CSMD1: variants seen among roughly 807,000 people sequenced by gnomAD.
The protein encoded by CSMD1 is CUB and sushi domain-containing protein 1.
In CSMD1, 213 loss-of-function variants were observed where a neutral mutation model predicts 417.5. That is an observed-to-expected ratio of 0.51 (90% CI 0.46 to 0.57). The LOEUF (loss-of-function observed/expected upper bound fraction) is 0.57. CSMD1 is among the 20% of genes least tolerant of loss of function. CSMD1 has a pLI of 0.00. For missense variants in CSMD1, 6,923 were observed against 4,529.7 expected (o/e 1.53, Z -15.17); for synonymous variants, 2,862 against 1,736.8 (o/e 1.65, Z -16.11).
At chr8:3,300,816 G>A (rs911794462) in intron 25 of CSMD1, among the ~76,000 whole-genome samples, 2 of 151,688 alleles carry the variant, frequency 1.3e-5, no homozygotes, top group African/African-American at 4.9e-5. Context: ...AAAATTAGCT[G>A]GGTGTGGTGG....
Position 3,960,466 on chromosome 8 carries a change from T to G in CSMD1, c.818+37437A>C, listed in dbSNP as rs1200164843. Among the ~76,000 whole-genome samples, 3 of 152,190 alleles carry G rather than the reference T, an allele frequency of 2.0e-5. No individual in the cohort carries two copies. In the East Asian group the frequency reaches 5.8e-4, roughly 29 times the overall value. ...ATACAATTTTCAACACAGGGGCGAA[T>G]ATTATTTATGCCTTTAAAGACTGAT... On this transcript the variant is annotated intron_variant, in intron 5 of 69. Coordinates refer to ENST00000635120, the MANE Select transcript of CSMD1 (RefSeq NM_033225.6).
intron 4 of CSMD1, among the ~76,000 whole-genome samples, chr8:4,004,784 GC>G (rs1815975324): frequency 6.6e-6 from 1 of 151,992 alleles, no homozygotes; most frequent in Admixed American, 6.6e-5. Flanking sequence ...TCACTCTGTT[GC>G]CCAGGCTGGA....
chr8:4,099,310 T>A (rs1053493497), intron 3 of CSMD1, among the ~76,000 whole-genome samples: 1 of 152,148 alleles, frequency 6.6e-6, no homozygotes, highest in Non-Finnish European at 1.5e-5. Context: ...CTGAATTACA[T>A]GAAGGAGCTA....
chr8:2,956,068 G>C (rs987552151), intron 63 of CSMD1, among the ~76,000 whole-genome samples: 4 of 151,856 alleles, frequency 2.6e-5, no homozygotes, highest in African/African-American at 9.7e-5. Context: ...AGGTAATTAT[G>C]TGCAAAGATT....
At chr8:4,430,090 A>G (rs1797786788) in intron 2 of CSMD1, among the ~76,000 whole-genome samples, 1 of 152,236 alleles carries the variant, frequency 6.6e-6, no homozygotes, top group South Asian at 2.1e-4. Context: ...CTTAATGTTT[A>G]AATCCCAGAA....
At chr8:4,803,541 T>G (rs1798425471) in intron 1 of CSMD1, among the ~76,000 whole-genome samples, 1 of 152,190 alleles carries the variant, frequency 6.6e-6, no homozygotes, top group African/African-American at 2.4e-5. Flanking sequence ...CAAATTTGAC[T>G]GTAAATCTCA....
chr8:3,958,540 T>C (rs2627498), intron 5 of CSMD1, among the ~76,000 whole-genome samples: 17,137 of 152,250 alleles, frequency 0.11, 1,039 homozygotes, highest in East Asian at 0.14. Context: ...AGTTCTATTA[T>C]TCATTTACTG....
Position 3,032,229 on chromosome 8 carries a change from A to AT in CSMD1, c.7661-2717dup, listed in dbSNP as rs1358577511. On this transcript the variant is annotated intron_variant, in intron 50 of 69. Transcript: ENST00000635120. ...TGTGCAAATTATCATTTTATTTAAT[A>AT]TTTTTTAAGAATGATAGGTAGAGAA... Among the ~76,000 whole-genome samples, 15 of 151,968 alleles carry AT rather than the reference A, an allele frequency of 9.9e-5. 1 individual carries two copies. Among genetic ancestry groups the AT allele is most frequent in the Non-Finnish European group, 2.2e-4 (15 of 67,974 alleles).
chr8:3,362,575 G>A (rs183403064), intron 20 of CSMD1, among the ~76,000 whole-genome samples: 173 of 152,288 alleles, frequency 1.1e-3, no homozygotes, highest in African/African-American at 3.5e-3. Context: ...ATTCTATGCC[G>A]ATGGGTTTCC....
chr8:2,973,095 CT>C, intron 57 of CSMD1, 21 bp downstream of exon 57: 16 of 1,609,150 alleles, frequency 9.9e-6, no homozygotes, highest in Non-Finnish European at 1.4e-5. Flanking sequence ...CAAGGTGGAC[CT>C]TAAGGCTTCT....
chr8:3,681,811 C>A (rs1260848168), intron 7 of CSMD1, among the ~76,000 whole-genome samples: 1 of 152,248 alleles, frequency 6.6e-6, no homozygotes, highest in African/African-American at 2.4e-5. Flanking sequence ...CTACAGTAAC[C>A]CAAACAGCAT....
chr8:4,647,067 C>G (rs1803562715), intron 1 of CSMD1, among the ~76,000 whole-genome samples: 1 of 152,060 alleles, frequency 6.6e-6, no homozygotes, highest in Admixed American at 6.5e-5. Flanking sequence ...GCAGCAAAGT[C>G]AGTTCTTAAG....
At chr8:3,866,794 C>T (rs1236374730) in intron 5 of CSMD1, among the ~76,000 whole-genome samples, 2 of 152,270 alleles carry the variant, frequency 1.3e-5, no homozygotes, top group Non-Finnish European at 2.9e-5. Flanking sequence ...TCAATAACGG[C>T]TCACAAATCC....
chr8:4,067,022 A>C (rs777830460), intron 3 of CSMD1, among the ~76,000 whole-genome samples: 1 of 152,264 alleles, frequency 6.6e-6, no homozygotes, highest in Admixed American at 6.5e-5. Context: ...ATGAGCTCTT[A>C]GTTTTGTGTA....
intron 50 of CSMD1, among the ~76,000 whole-genome samples, chr8:3,034,631 T>A (rs576489376): frequency 4.6e-5 from 7 of 152,274 alleles, no homozygotes; most frequent in Non-Finnish European, 8.8e-5. Context: ...GTTATAAAAA[T>A]CAATGCATAA....
At chr8:3,004,965 C>T (rs545655818) in intron 52 of CSMD1, among the ~76,000 whole-genome samples, 85 of 152,204 alleles carry the variant, frequency 5.6e-4, no homozygotes, top group African/African-American at 1.7e-3. Flanking sequence ...ATGGTGAAAG[C>T]CCATCTCTAC....
chr8:3,377,183 G>T (rs1337110624), intron 18 of CSMD1, among the ~76,000 whole-genome samples: 1 of 152,048 alleles, frequency 6.6e-6, no homozygotes, highest in Admixed American at 6.6e-5. Flanking sequence ...TAATTTTTGT[G>T]TTTTTTTGTG....
intron 4 of CSMD1, among the ~76,000 whole-genome samples, chr8:4,001,111 G>C (rs367631796): frequency 9.9e-5 from 15 of 151,618 alleles, no homozygotes; most frequent in African/African-American, 3.4e-4. Context: ...CAGTCGATGA[G>C]CTGAATCACT....
chr8:3,330,059 T>C (rs1325383171), intron 23 of CSMD1, among the ~76,000 whole-genome samples: 2 of 152,170 alleles, frequency 1.3e-5, no homozygotes, highest in African/African-American at 4.8e-5. Context: ...ATGGCAGTCA[T>C]GGTGTGGCCC....
Sources: allele counts gnomAD v4.1 joint callset (sites outside exome capture counted in the v4.1 genomes callset), GRCh38; gene constraint gnomAD v4.1.1; transcripts MANE v1.5; gene names NCBI Gene and HGNC (gene_info 2026-07-23, HGNC 2026-07-21).